GRIA1: variants seen among roughly 807,000 people sequenced by gnomAD.
The protein encoded by GRIA1 is glutamate receptor 1.
GRIA1 carries 31 observed loss-of-function variants against 99.2 expected under a neutral mutation model. The observed-to-expected ratio is 0.31, with a 90% CI of 0.23 to 0.42. The LOEUF (loss-of-function observed/expected upper bound fraction) is 0.42, where lower values mean the gene tolerates loss of function less well. Among genes scored for constraint, GRIA1 ranks in the 10% least tolerant of loss-of-function variants. The probability of loss-of-function intolerance (pLI) is 1.00; values close to 1 mark genes in which losing one functional copy is unlikely to be tolerated. For missense variants in GRIA1, 782 were observed against 1,157.5 expected (o/e 0.68, Z 4.71); for synonymous variants, 438 against 432.4 (o/e 1.01, Z -0.16).
At chr5:153,527,882 C>A (rs549100) in intron 2 of GRIA1, among the ~76,000 whole-genome samples, 1 of 151,954 alleles carries the variant, frequency 6.6e-6, no homozygotes, top group Non-Finnish European at 1.5e-5. Context: ...CCATTGCAGT[C>A]CTTGATCAAT....
chr5:153,624,663 CA>C (rs1395729533), intron 2 of GRIA1, among the ~76,000 whole-genome samples: 9 of 152,232 alleles, frequency 5.9e-5, no homozygotes, highest in African/African-American at 1.7e-4. Context: ...GAAACCTCAA[CA>C]GGGGGGAAAA....
At chr5:153,742,131 A>C (rs556352226) in intron 11 of GRIA1, among the ~76,000 whole-genome samples, 34 of 152,186 alleles carry the variant, frequency 2.2e-4, no homozygotes, top group Non-Finnish European at 4.6e-4. Context: ...TTGCTTTAGA[A>C]GAGATTGCAC....
At chr5:153,761,189 TA>T (rs1188801882) in intron 11 of GRIA1, among the ~76,000 whole-genome samples, 1 of 151,996 alleles carries the variant, frequency 6.6e-6, no homozygotes, top group African/African-American at 2.4e-5. Flanking sequence ...TGCATCAAAC[TA>T]AAAAGCTTCA....
At chr5:153,601,851 A>G (rs1764993903) in intron 2 of GRIA1, among the ~76,000 whole-genome samples, 1 of 152,216 alleles carries the variant, frequency 6.6e-6, no homozygotes, top group Non-Finnish European at 1.5e-5. Context: ...TTATTCTGCA[A>G]ATATTCATTG....
intron 15 of GRIA1, among the ~76,000 whole-genome samples, chr5:153,803,558 T>C (rs1766197903): frequency 6.6e-6 from 1 of 152,042 alleles, no homozygotes; most frequent in South Asian, 2.1e-4. Context: ...AGAAGAAAGA[T>C]TGAAGAAGGC....
At chr5:153,645,640 A>G (rs1005153607) in intron 2 of GRIA1, among the ~76,000 whole-genome samples, 2 of 152,136 alleles carry the variant, frequency 1.3e-5, no homozygotes, top group African/African-American at 2.4e-5. Context: ...AAGAAGACTT[A>G]TTTTTTAAGG....
intron 2 of GRIA1, among the ~76,000 whole-genome samples, chr5:153,583,482 C>T (rs998324007): frequency 6.6e-6 from 1 of 152,130 alleles, no homozygotes; most frequent in African/African-American, 2.4e-5. Flanking sequence ...TGTCAAAGAA[C>T]TCCTGCACTT....
intron 15 of GRIA1, among the ~76,000 whole-genome samples, chr5:153,809,675 C>G (rs1443283812): frequency 6.6e-6 from 1 of 152,202 alleles, no homozygotes; most frequent in Non-Finnish European, 1.5e-5. Flanking sequence ...CATCTAATTT[C>G]TTACTGGACA....
intron 11 of GRIA1, among the ~76,000 whole-genome samples, chr5:153,760,250 A>G (rs1344980670): frequency 6.6e-6 from 1 of 152,152 alleles, no homozygotes; most frequent in African/African-American, 2.4e-5. Context: ...AGAAGAAGTC[A>G]GATCGTCCCT....
intron 11 of GRIA1, among the ~76,000 whole-genome samples, chr5:153,721,060 C>T (rs1760031156): frequency 6.6e-6 from 1 of 152,154 alleles, no homozygotes; most frequent in Non-Finnish European, 1.5e-5. Context: ...AAAGGGGAGA[C>T]ACATGATTAA....
chr5:153,680,090 C>A (rs1561760388), intron 7 of GRIA1, among the ~76,000 whole-genome samples: 1 of 152,204 alleles, frequency 6.6e-6, no homozygotes, highest in East Asian at 1.9e-4. Context: ...GTTGGGACTC[C>A]AAACCACATT....
chr5:153,566,304 C>CCTTTTTTTTTTTTTTT (rs537995524), intron 2 of GRIA1, among the ~76,000 whole-genome samples: 1 of 36,554 alleles, frequency 2.7e-5, no homozygotes, highest in African/African-American at 7.6e-5. Context: ...AATTCCCTGC[C>CCTTTTTTTTTTTTTTT]TTTTTTTTTT....
chr5:153,547,893 G>A (rs1160735815), intron 2 of GRIA1, among the ~76,000 whole-genome samples: 1 of 152,096 alleles, frequency 6.6e-6, no homozygotes, highest in East Asian at 1.9e-4. Flanking sequence ...CAGGAGTCAG[G>A]TATAGAGGGG....
intron 2 of GRIA1, among the ~76,000 whole-genome samples, chr5:153,639,988 T>G (rs943119492): frequency 6.6e-6 from 1 of 152,234 alleles, no homozygotes. Flanking sequence ...AAGGGGCTTG[T>G]TCACAGACGT....
chr5:153,575,129 A>G (rs767876053), intron 2 of GRIA1, among the ~76,000 whole-genome samples: 1 of 151,496 alleles, frequency 6.6e-6, no homozygotes, highest in East Asian at 1.9e-4. Context: ...TGATCCTGCA[A>G]TGGTCTCTTG....
intron 11 of GRIA1, among the ~76,000 whole-genome samples, chr5:153,726,714 C>A (rs553718395): frequency 2.8e-4 from 42 of 152,252 alleles, no homozygotes; most frequent in South Asian, 2.1e-4. Flanking sequence ...CTGAGTAGAC[C>A]AATAACAGGC....
At chr5:153,580,442 G>T (rs935657745) in intron 2 of GRIA1, among the ~76,000 whole-genome samples, 2 of 152,208 alleles carry the variant, frequency 1.3e-5, no homozygotes, top group Admixed American at 6.5e-5. Context: ...TAGCTCAGAA[G>T]CAGTCAAGTT....
intron 2 of GRIA1, among the ~76,000 whole-genome samples, chr5:153,617,071 G>C (rs1338231981): frequency 2.0e-5 from 3 of 152,148 alleles, no homozygotes; most frequent in Non-Finnish European, 4.4e-5. Context: ...TCAGGCAGCA[G>C]GTCACTTCTG....
At chr5:153,681,983 G>A (rs1488043508) in intron 7 of GRIA1, among the ~76,000 whole-genome samples, 3 of 151,770 alleles carry the variant, frequency 2.0e-5, no homozygotes, top group African/African-American at 4.8e-5. Flanking sequence ...ACAGTGAGCC[G>A]AGGTTGTGCC....
Sources: allele counts gnomAD v4.1 joint callset (sites outside exome capture counted in the v4.1 genomes callset), GRCh38; gene constraint gnomAD v4.1.1; transcripts MANE v1.5; gene names NCBI Gene and HGNC (gene_info 2026-07-23, HGNC 2026-07-21).